TMC7: variants seen among roughly 807,000 people sequenced by gnomAD.
TMC7 encodes transmembrane channel-like protein 7.
TMC7 carries 54 observed loss-of-function variants against 82.9 expected under a neutral mutation model. The observed-to-expected ratio is 0.65, with a 90% CI of 0.52 to 0.82. The LOEUF is 0.82. TMC7 is among the 40% of genes least tolerant of loss of function. TMC7 has a pLI of 0.00. For missense variants in TMC7, 820 were observed against 901.2 expected (o/e 0.91, Z 1.15); for synonymous variants, 350 against 337.9 (o/e 1.04, Z -0.39).
At chr16:19,006,240 G>A (rs549494044) in intron 1 of TMC7, among the ~76,000 whole-genome samples, 1 of 147,836 alleles carries the variant, frequency 6.8e-6, no homozygotes, top group South Asian at 2.1e-4. Flanking sequence ...CGCTCTTGTT[G>A]CCCAGGCTGG....
chr16:19,023,155 T>C lies in TMC7; in HGVS notation c.671T>C (p.Ile224Thr), dbSNP rs749488629. The part of the protein sequence containing the change: ...TVYPVSSSGL[I>T]YFYSYIIDLL... ...TATCCAGTAAGCAGTTCTGGACTCATTTACTTTTACAGTTATATCATAGAC... is the reference window on the plus strand; with the variant it reads ...TATCCAGTAAGCAGTTCTGGACTCACTTACTTTTACAGTTATATCATAGAC... The change falls in exon 5 of 16, where the codon ATT (isoleucine) becomes ACT (threonine). Residue 224 changes from isoleucine to threonine, a missense_variant. Ile to Thr is a moderately conservative substitution (Grantham distance 89, BLOSUM62 -1). Around this residue, in one of 2 missense-constraint regions of TMC7, gnomAD observed 650 missense variants for 669.9 expected, o/e 0.97. Transcript: ENST00000304381. The C allele has an allele frequency of 6.2e-6, 10 of 1,610,454 alleles. No individual in the cohort carries two copies. The Admixed American group carries it at 1.7e-4, about 27-fold the overall frequency.
intron 4 of TMC7, 28 bp downstream of exon 4, chr16:19,021,824 A>C (rs1183917831): frequency 6.2e-7 from 1 of 1,608,048 alleles, no homozygotes; most frequent in Non-Finnish European, 8.5e-7. Context: ...TTTACTACGA[A>C]GTGTGTTTGT....
In TMC7 at chr16:19,021,688, A is replaced by C. The variant is rs1309477445; in HGVS notation, c.520A>C (p.Asn174His). The C allele has an allele frequency of 6.2e-7, 1 of 1,613,964 alleles. No individual in the cohort carries two copies. The highest frequency in any genetic ancestry group is 8.5e-7 in the Non-Finnish European group (1 of 1,180,036). Reference sequence around the variant, plus strand: ...CTTCTTGAGATTCCTGGTGTTGCTGAATTTGGTGATATTTCTGATCATCTT... The same window carrying C: ...CTTCTTGAGATTCCTGGTGTTGCTGCATTTGGTGATATTTCTGATCATCTT... Reference protein sequence around the residue: ...FSFLRFLVLLNLVIFLIIFML... With the variant: ...FSFLRFLVLLHLVIFLIIFML... The change falls in exon 4 of 16, where the codon AAT (asparagine) becomes CAT (histidine). Residue 174 changes from asparagine to histidine, a missense_variant. Asn to His is a moderately conservative substitution (Grantham distance 68). Transcript: ENST00000304381.
chr16:19,000,189 G>C (rs1318916523), intron 1 of TMC7, among the ~76,000 whole-genome samples: 2 of 152,122 alleles, frequency 1.3e-5, no homozygotes, highest in African/African-American at 4.8e-5. Flanking sequence ...AATTCAGCCA[G>C]GCATGGTGGC....
At chr16:19,001,352 T>C (rs541317036) in intron 1 of TMC7, among the ~76,000 whole-genome samples, 3 of 152,258 alleles carry the variant, frequency 2.0e-5, no homozygotes, top group South Asian at 4.1e-4. Flanking sequence ...ATAGAAGTTA[T>C]AGAGTCAGAG....
chr16:19,063,004 G>A lies in TMC7; in HGVS notation c.*1161G>A, dbSNP rs1165300566. ...AAAATGCCTGAATCCTTGCTCAGAG[G>A]AGCAAAGGTATCTTCTCGTCCCTTT... On this transcript the variant is annotated 3_prime_UTR_variant, in exon 16 of 16. Transcript: ENST00000304381. 1 of 152,158 alleles carries A rather than the reference G, an allele frequency of 6.6e-6. No individual in the cohort carries two copies. The highest frequency in any genetic ancestry group is 1.5e-5 in the Non-Finnish European group (1 of 68,034). The allele number at this position is 152,158 out of a possible 1,614,324, so 9.4% of individuals were successfully genotyped here. A position where few individuals can be genotyped will look rare whatever the true frequency, so the allele number is the denominator to read the frequency against.
intron 4 of TMC7, 64 bp from the exon 5 acceptor site, chr16:19,023,049 A>T: frequency 2.9e-6 from 3 of 1,019,204 alleles, no homozygotes; most frequent in Admixed American, 4.4e-5. Context: ...ACAAACAAAA[A>T]AACCAGGCAG....
intron 1 of TMC7, among the ~76,000 whole-genome samples, chr16:19,007,418 C>A (rs1042941346): frequency 1.3e-5 from 2 of 152,210 alleles, no homozygotes; most frequent in Non-Finnish European, 2.9e-5. Context: ...GCCAGTGTGG[C>A]TCATTGGAGG....
Position 19,009,326 on chromosome 16 carries a change from C to T in TMC7, c.222C>T (p.Ser74=). 1 of 1,614,208 alleles carries T rather than the reference C, an allele frequency of 6.2e-7. No homozygotes were observed. The highest frequency in any genetic ancestry group is 8.5e-7 in the Non-Finnish European group (1 of 1,180,042). ...TGCTAAAGCCAACCGACTCTTACAG[C>T]TCCCAGCTGGAGGACAGAATCGCTG... The part of the protein sequence containing the change: ...GTLLKPTDSY[S]SQLEDRIAEN... Residue 74 remains serine (S), a synonymous_variant, in exon 2 of 16, where the codon AGC becomes AGT. Coordinates refer to ENST00000304381, the MANE Select transcript of TMC7 (RefSeq NM_024847.4).
At chr16:19,037,401 AAAG>A (rs201474607) in intron 7 of TMC7, among the ~76,000 whole-genome samples, 46,484 of 116,882 alleles carry the variant, frequency 0.4, 11,776 homozygotes, top group East Asian at 0.65. Flanking sequence ...AAAAAAAAAA[AAAG>A]AAAGAAAAAA....
chr16:18,997,473 G>A (rs182053736), intron 1 of TMC7, among the ~76,000 whole-genome samples: 3 of 151,808 alleles, frequency 2.0e-5, no homozygotes, highest in East Asian at 2.0e-4. Flanking sequence ...GGATTCAAGC[G>A]ATTCTCCTGC....
intron 3 of TMC7, among the ~76,000 whole-genome samples, chr16:19,020,353 G>T (rs189244077): frequency 6.6e-6 from 1 of 151,892 alleles, no homozygotes; most frequent in Non-Finnish European, 1.5e-5. Flanking sequence ...TAGGATGGGC[G>T]GGGGGAAGGA....
Position 19,061,788 on chromosome 16 carries a change from A to G in TMC7, c.2117A>G (p.Asp706Gly), listed in dbSNP as rs780923439. The change falls in exon 16 of 16, where the codon GAC becomes GGC. Residue 706 changes from aspartate to glycine, a missense_variant. By Grantham distance (94) the Asp-to-Gly change is moderately conservative. This residue lies in a region of TMC7 where 170 missense variants were observed against 231.3 expected (regional missense o/e 0.74). Coordinates refer to ENST00000304381, the MANE Select transcript of TMC7 (RefSeq NM_024847.4). Reference sequence around the variant, plus strand: ...CTTATTATTTTTTAGGAAAGTCGTGACAAGTGCTACCTAATCCAGAAACTA... The same window carrying G: ...CTTATTATTTTTTAGGAAAGTCGTGGCAAGTGCTACCTAATCCAGAAACTA... ...LREQLSLESR[D>G]KCYLIQKLTE... 2 of 1,613,742 alleles carry G rather than the reference A, an allele frequency of 1.2e-6. No homozygotes were observed. The highest frequency in any genetic ancestry group is 1.7e-5 in the Admixed American group (1 of 59,898).
At chr16:18,991,927 C>T (rs973232047) in intron 1 of TMC7, among the ~76,000 whole-genome samples, 7 of 152,164 alleles carry the variant, frequency 4.6e-5, no homozygotes, top group African/African-American at 1.7e-4. Flanking sequence ...GACATGAACT[C>T]ATCCTTTTTT....
At chr16:19,032,893 C>T (rs572062836) in intron 6 of TMC7, among the ~76,000 whole-genome samples, 18 of 152,316 alleles carry the variant, frequency 1.2e-4, no homozygotes, top group African/African-American at 4.1e-4. Flanking sequence ...TCCCACAGTG[C>T]TGGGATTACA....
At chr16:19,022,876 C>T (rs1960045509) in intron 4 of TMC7, among the ~76,000 whole-genome samples, 1 of 152,088 alleles carries the variant, frequency 6.6e-6, no homozygotes, top group South Asian at 2.1e-4. Flanking sequence ...AAAAATGAGC[C>T]AGGTGTGGTG....
chr16:19,055,074 A>G (rs750390108), intron 13 of TMC7, among the ~76,000 whole-genome samples: 1 of 151,836 alleles, frequency 6.6e-6, no homozygotes, highest in Non-Finnish European at 1.5e-5. Flanking sequence ...TTTTTCAAAT[A>G]TTTTTATCTA....
rs781322246 is a variant in TMC7 at position 19,037,871 on chromosome 16, C to T, written c.1006-3C>T. On this transcript the variant is annotated splice_polypyrimidine_tract_variant and splice_region_variant and intron_variant, in intron 7 of 15. Coordinates refer to ENST00000304381, the MANE Select transcript of TMC7 (RefSeq NM_024847.4). Reference sequence around the variant, plus strand: ...TCACAAGTGAATTTTCTTTTATCTTCAGGCAGATCTGGAGGAAGAAAGAAT... The same window carrying T: ...TCACAAGTGAATTTTCTTTTATCTTTAGGCAGATCTGGAGGAAGAAAGAAT... The T allele has an allele frequency of 1.2e-6, 2 of 1,610,290 alleles. No individual in the cohort carries two copies. The highest frequency in any genetic ancestry group is 1.7e-6 in the Non-Finnish European group (2 of 1,178,826).
chr16:19,060,738 A>G (rs1961966809), intron 15 of TMC7, among the ~76,000 whole-genome samples: 1 of 150,732 alleles, frequency 6.6e-6, no homozygotes, highest in Admixed American at 6.6e-5. Context: ...TTAGAGTTTT[A>G]TTCTGAGTGG....
Sources: allele counts gnomAD v4.1 joint callset (sites outside exome capture counted in the v4.1 genomes callset), GRCh38; gene constraint gnomAD v4.1.1; regional missense constraint gnomAD v4.1.1; transcripts MANE v1.5; gene names NCBI Gene and HGNC (gene_info 2026-07-23, HGNC 2026-07-21).